Variants in SCLY observed in about 807,000 individuals in gnomAD.
The protein encoded by SCLY is selenocysteine lyase.
SCLY carries 38 observed loss-of-function variants against 50.1 expected under a neutral mutation model. The observed-to-expected ratio is 0.76, with a 90% CI of 0.59 to 0.99. SCLY has a LOEUF of 0.99. SCLY is among the 50% of genes least tolerant of loss of function. SCLY has a pLI of 0.00. For synonymous variants in SCLY, 243 were observed against 249.4 expected (o/e 0.97, Z 0.24); for missense variants, 600 against 620.0 (o/e 0.97, Z 0.34).
At position 238,081,694 on chromosome 2, in the gene SCLY, A is replaced by G; in HGVS notation, c.485-15A>G. ...ATTTGTGCAGCTCAGTTCGGTACTC[A>G]TGTTTGTTTCCCAGCGGTCACCTTT... On this transcript the variant is annotated splice_polypyrimidine_tract_variant and intron_variant, in intron 4 of 11. Transcript: ENST00000254663. 1.2e-6 allele frequency: 2 copies of G among 1,611,508 alleles called. No homozygotes were observed. Among genetic ancestry groups the G allele is most frequent in the African/African-American group, 1.3e-5 (1 of 75,020 alleles).
At chr2:238,063,082 C>T (rs1460067669) in intron 1 of SCLY, among the ~76,000 whole-genome samples, 1 of 152,084 alleles carries the variant, frequency 6.6e-6, no homozygotes, top group Non-Finnish European at 1.5e-5. Flanking sequence ...AAACAGAGCC[C>T]CCATGCCCAT....
intron 7 of SCLY, among the ~76,000 whole-genome samples, chr2:238,084,136 G>T (rs961288075): frequency 6.6e-6 from 1 of 152,162 alleles, no homozygotes; most frequent in South Asian, 2.1e-4. Flanking sequence ...CTGTAACAAG[G>T]TATCCCACAC....
At chr2:238,080,686 C>T (rs1307674897) in intron 4 of SCLY, 1 of 152,358 alleles carries the variant, frequency 6.6e-6, no homozygotes, top group Admixed American at 6.5e-5. Flanking sequence ...TGTGCCCGCC[C>T]TCTCTGGGCG....
In SCLY at chr2:238,081,589, T is replaced by C. The variant is rs191527515; in HGVS notation, c.485-120T>C. Reference sequence around the variant, plus strand: ...CGGCTTATATTCTTCTTTATAGTCTTCTGAACTTGGACAACAATTTACTTT... The same window carrying C: ...CGGCTTATATTCTTCTTTATAGTCTCCTGAACTTGGACAACAATTTACTTT... On this transcript the variant is annotated intron_variant, in intron 4 of 11. Coordinates refer to ENST00000254663, the MANE Select transcript of SCLY (RefSeq NM_016510.7). The C allele has an allele frequency of 1.7e-4, 242 of 1,393,844 alleles. 1 individual carries two copies. The African/African-American group carries it at 2.8e-3, about 16-fold the overall frequency. The allele number at this position is 1,393,844 out of a possible 1,614,324, so 86.3% of individuals were successfully genotyped here.
At chr2:238,091,530 G>A (rs1056323544) in intron 8 of SCLY, 6 of 433,296 alleles carry the variant, frequency 1.4e-5, no homozygotes, top group South Asian at 2.7e-5. Flanking sequence ...CAGAGGTGAA[G>A]TGTCAAGCTG....
chr2:238,091,541 CAGG>C, intron 8 of SCLY: 15 of 411,596 alleles, frequency 3.6e-5, no homozygotes, highest in Middle Eastern at 7.1e-4. Context: ...TGTCAAGCTG[CAGG>C]TTCACCATTC....
chr2:238,073,670 C>T, intron 4 of SCLY: 3 of 433,024 alleles, frequency 6.9e-6, no homozygotes, highest in Non-Finnish European at 1.4e-5. Context: ...TGTAGTTGAC[C>T]CTTGAACAAC....
chr2:238,082,984 G>A, intron 6 of SCLY: 1 of 450,772 alleles, frequency 2.2e-6, no homozygotes, highest in Non-Finnish European at 4.3e-6. Context: ...TCTATCACAT[G>A]ATGCGCAGGG....
intron 1 of SCLY, 117 bp from the exon 2 acceptor site, chr2:238,064,240 G>A: frequency 1.8e-6 from 1 of 549,496 alleles, no homozygotes; most frequent in Non-Finnish European, 3.2e-6. Flanking sequence ...CTTATGCAGA[G>A]GATCACCATG....
At chr2:238,075,953 T>C (rs550639783) in intron 4 of SCLY, among the ~76,000 whole-genome samples, 52 of 152,154 alleles carry the variant, frequency 3.4e-4, no homozygotes, top group Non-Finnish European at 1.3e-4. Context: ...AGCAGTAGGA[T>C]ATAAATAACT....
At chr2:238,098,140 G>T in intron 11 of SCLY, 62 bp from the exon 12 acceptor site, 1 of 1,573,268 alleles carries the variant, frequency 6.4e-7, no homozygotes, top group Non-Finnish European at 8.6e-7. Context: ...CCAGAGCAGG[G>T]GGGGCTGTGT....
rs184908456 is a variant in SCLY at position 238,090,708 on chromosome 2, G to A, written c.885-510G>A. Among the ~76,000 whole-genome samples, 178 of 151,862 alleles carry A rather than the reference G, an allele frequency of 1.2e-3. 1 individual carries two copies. Among genetic ancestry groups the A allele is most frequent in the Admixed American group, 2.4e-3 (37 of 15,256 alleles). ...AATAGGGTAATGAGTTCTGTTTTTCGGTTTGTTAGGTCAGAGTATGCAAGC... is the reference window on the plus strand; with the variant it reads ...AATAGGGTAATGAGTTCTGTTTTTCAGTTTGTTAGGTCAGAGTATGCAAGC... On this transcript the variant is annotated intron_variant, in intron 7 of 11. Transcript: ENST00000254663.
chr2:238,074,423 A>T (rs577618789), intron 4 of SCLY, among the ~76,000 whole-genome samples: 1 of 152,206 alleles, frequency 6.6e-6, no homozygotes, highest in South Asian at 2.1e-4. Context: ...TTGAGTTTGT[A>T]TGTTACTCTT....
At chr2:238,096,966 C>T in intron 11 of SCLY, 90 bp downstream of exon 11, 9 of 1,277,862 alleles carry the variant, frequency 7.0e-6, no homozygotes, top group South Asian at 3.0e-5. Flanking sequence ...GCCACTGGGC[C>T]GCACTCTGGC....
chr2:238,095,074 G>T (rs1010216457), intron 10 of SCLY, among the ~76,000 whole-genome samples: 1 of 152,156 alleles, frequency 6.6e-6, no homozygotes, highest in African/African-American at 2.4e-5. Flanking sequence ...ATAGTGGTGT[G>T]CACCTGTAGT....
In SCLY at chr2:238,083,235, C is replaced by T; in HGVS notation, c.778-13C>T. On this transcript the variant is annotated splice_polypyrimidine_tract_variant and intron_variant, in intron 6 of 11. Coordinates refer to ENST00000254663, the MANE Select transcript of SCLY (RefSeq NM_016510.7). The surrounding 1 kb of genome is among the most constrained non-coding windows in gnomAD (Gnocchi z 4.3). ...AAGTTCTTGTTGAATAAATGACCAACTTTTCCTTCCAGTTTTATGGTCCCA... is the reference window on the plus strand; with the variant it reads ...AAGTTCTTGTTGAATAAATGACCAATTTTTCCTTCCAGTTTTATGGTCCCA... The T allele has an allele frequency of 6.3e-7, 1 of 1,589,992 alleles. No homozygotes were observed. The highest frequency in any genetic ancestry group is 8.6e-7 in the Non-Finnish European group (1 of 1,158,202).
intron 7 of SCLY, among the ~76,000 whole-genome samples, chr2:238,088,067 T>C (rs2106451152): frequency 6.6e-6 from 1 of 152,268 alleles, no homozygotes; most frequent in South Asian, 2.1e-4. Context: ...TGCACTCCAG[T>C]TTGGGTGACA....
Position 238,098,227 on chromosome 2 carries a change from G to C in SCLY, c.1210G>C (p.Gly404Arg). ...DQPSPVLLSYGVPFDVARNAL... is the reference protein window; with the variant it reads ...DQPSPVLLSYRVPFDVARNAL... ...GCCGTCCCCAGTGCTGCTGAGCTAC[G>C]GTGTCCCCTTCGACGTGGCCAGGAA... Residue 404 changes from glycine (G) to arginine (R), a missense_variant, in exon 12 of 12, where the codon GGT becomes CGT. Physicochemically the swap from Gly to Arg is moderately radical, Grantham distance 125. Transcript: ENST00000254663. 1.9e-6 allele frequency: 3 copies of C among 1,606,460 alleles called. No homozygotes were observed. Among genetic ancestry groups the C allele is most frequent in the Non-Finnish European group, 1.7e-6 (2 of 1,176,932 alleles).
intron 11 of SCLY, among the ~76,000 whole-genome samples, chr2:238,097,468 A>C (rs1196787332): frequency 6.6e-6 from 1 of 152,156 alleles, no homozygotes; most frequent in East Asian, 1.9e-4. Context: ...GAGTGGACGC[A>C]GGAGGAACAC....
Sources: gnomAD v4.1 joint callset for allele counts (sites outside exome capture counted in the v4.1 genomes callset) on GRCh38, gnomAD v4.1.1 for gene constraint, Gnocchi (gnomAD v3.1) non-coding constraint, MANE v1.5 for transcripts, NCBI Gene and HGNC (gene_info 2026-07-23, HGNC 2026-07-21) for gene names.